Variants in WDR72 observed in about 807,000 individuals in gnomAD.
WDR72 encodes the protein WD repeat domain 72.
A neutral mutation model predicts 124.2 loss-of-function variants in WDR72; 120 were observed. That is an observed-to-expected ratio of 0.97 (90% CI 0.83 to 1.12). The LOEUF (loss-of-function observed/expected upper bound fraction) is 1.12. Among genes scored for constraint, WDR72 ranks in the 50% most tolerant of loss-of-function variants. WDR72 has a pLI of 0.00. For missense variants in WDR72, 1,387 were observed against 1,278.8 expected, an observed-to-expected ratio of 1.08 and a Z score of -1.29; for synonymous variants, 452 against 441.7, an observed-to-expected ratio of 1.02 and a Z score of -0.29.
chr15:53,707,409 G>C (rs2017411348), intron 9 of WDR72, among the ~76,000 whole-genome samples: 1 of 151,236 alleles, frequency 6.6e-6, no homozygotes, highest in Non-Finnish European at 1.5e-5. Context: ...CAAGAAATAA[G>C]AGCATCACAG....
chr15:53,637,925 A>C (rs7175616), intron 14 of WDR72, among the ~76,000 whole-genome samples: 49 of 152,252 alleles, frequency 3.2e-4, no homozygotes, highest in African/African-American at 1.1e-3. Context: ...TTCATGTCTG[A>C]TTCCTTCAAT....
upstream of WDR72, among the ~76,000 whole-genome samples, chr15:53,762,046 A>G (rs777234102): frequency 2.6e-4 from 39 of 152,016 alleles, no homozygotes; most frequent in Non-Finnish European, 4.6e-4. Flanking sequence ...TCTCAGTTAC[A>G]TGACTTTACC....
chr15:53,580,387 T>C (rs539640660), intron 18 of WDR72, among the ~76,000 whole-genome samples: 65 of 152,240 alleles, frequency 4.3e-4, no homozygotes, highest in African/African-American at 1.6e-3. Flanking sequence ...ACAAAAAGTT[T>C]TGAAGTAGGA....
intron 14 of WDR72, among the ~76,000 whole-genome samples, chr15:53,662,299 A>C (rs1320276571): frequency 3.9e-5 from 6 of 152,212 alleles, no homozygotes; most frequent in Non-Finnish European, 7.4e-5. Flanking sequence ...CAACTCCTCT[A>C]GCATTTCAAA....
intron 13 of WDR72, among the ~76,000 whole-genome samples, chr15:53,685,353 G>A (rs1057006550): frequency 7.8e-6 from 1 of 128,650 alleles, no homozygotes; most frequent in Non-Finnish European, 1.6e-5. Flanking sequence ...AACCAATACA[G>A]AGAAGTGCTT....
intron 14 of WDR72, among the ~76,000 whole-genome samples, chr15:53,663,834 G>A (rs1011307397): frequency 6.6e-6 from 1 of 151,598 alleles, no homozygotes; most frequent in Non-Finnish European, 1.5e-5. Flanking sequence ...CTGTCAGTGT[G>A]GTTCAATTTC....
Position 53,597,269 on chromosome 15 carries a change from A to G in WDR72, c.2958T>C (p.Thr986=). Residue 986 remains threonine, a synonymous_variant, in exon 18 of 20, where the codon ACT becomes ACC. Coordinates refer to ENST00000360509, the MANE Select transcript of WDR72 (RefSeq NM_182758.4). Reference sequence around the variant, plus strand: ...CCAAGAGAACAGCTTGTATTGCTTCAGTTACCTGTAAGGTATTTTTTTAAG... The same window carrying G: ...CCAAGAGAACAGCTTGTATTGCTTCGGTTACCTGTAAGGTATTTTTTTAAG... ...SCWRDQSVQV[T]EAIQAVLLAE... The G allele has an allele frequency of 6.2e-7, 1 of 1,613,646 alleles. No individual in the cohort carries two copies. Among genetic ancestry groups the G allele is most frequent in the Non-Finnish European group, 8.5e-7 (1 of 1,179,706 alleles).
intron 13 of WDR72, among the ~76,000 whole-genome samples, chr15:53,675,210 G>C (rs1459683739): frequency 1.3e-5 from 2 of 151,974 alleles, no homozygotes; most frequent in Admixed American, 6.6e-5. Context: ...GGGCATGGTG[G>C]CACATGCCTG....
At chr15:53,609,269 G>A (rs951431054) in intron 17 of WDR72, among the ~76,000 whole-genome samples, 3 of 152,050 alleles carry the variant, frequency 2.0e-5, no homozygotes, top group Non-Finnish European at 4.4e-5. Flanking sequence ...GCTTCAACAA[G>A]CAAGAAATTA....
At position 53,724,309 on chromosome 15, in the gene WDR72, C is replaced by CA. The variant is rs796779791; in HGVS notation, c.154-1402dup. ...GTCTTAAGAGTTCTTGCCACACACA[C>CA]AAAAAATGATTATGTGAGGTGATAG... On this transcript the variant is annotated intron_variant, in intron 2 of 19. Coordinates refer to ENST00000360509, the MANE Select transcript of WDR72 (RefSeq NM_182758.4). 1.2e-4 allele frequency among the ~76,000 whole-genome samples: 18 copies of CA among 152,192 alleles called. 1 individual carries two copies. The highest frequency in any genetic ancestry group is 4.3e-4 in the African/African-American group (18 of 41,556).
chr15:53,735,878 C>T (rs1174060652), intron 1 of WDR72, among the ~76,000 whole-genome samples: 1 of 151,494 alleles, frequency 6.6e-6, no homozygotes, highest in African/African-American at 2.4e-5. Flanking sequence ...AAAGAAAAAA[C>T]CTACAAAAGG....
chr15:53,643,439 C>T (rs1483555521), intron 14 of WDR72, among the ~76,000 whole-genome samples: 2 of 152,050 alleles, frequency 1.3e-5, no homozygotes, highest in Admixed American at 6.6e-5. Flanking sequence ...TCCTTCTGTC[C>T]TTGAAAAGAT....
chr15:53,756,187 T>A (rs2018899099), intron 1 of WDR72, among the ~76,000 whole-genome samples: 1 of 152,154 alleles, frequency 6.6e-6, no homozygotes, highest in African/African-American at 2.4e-5. Context: ...ATCATGAGGA[T>A]GGTTTCCCCC....
intron 14 of WDR72, among the ~76,000 whole-genome samples, chr15:53,640,897 C>A (rs756495883): frequency 2.1e-5 from 3 of 144,396 alleles, no homozygotes; most frequent in African/African-American, 7.4e-5. Flanking sequence ...GATATTAATA[C>A]TTTATTGAAT....
At chr15:53,665,360 G>A (rs2015740916) in intron 14 of WDR72, among the ~76,000 whole-genome samples, 1 of 152,108 alleles carries the variant, frequency 6.6e-6, no homozygotes, top group Admixed American at 6.6e-5. Context: ...ATTTTGATAA[G>A]CCAGAACCTA....
rs548592054 is a variant in WDR72, at chr15:53,643,724, G to A, written c.1962+21848C>T. On this transcript the variant is annotated intron_variant, in intron 14 of 19. Coordinates refer to ENST00000360509, the MANE Select transcript of WDR72 (RefSeq NM_182758.4). ...GCTTAAGTTAAAAACTGAAACGTGC[G>A]TGTATGTATCTGTGTGTGTGCGTGT... 1.9e-4 allele frequency among the ~76,000 whole-genome samples: 28 copies of A among 148,234 alleles called. No homozygotes were observed. In the East Asian group the frequency reaches 4.8e-3, roughly 26 times the overall value.
At chr15:53,618,829 A>G (rs1168665961) in intron 14 of WDR72, among the ~76,000 whole-genome samples, 2 of 151,952 alleles carry the variant, frequency 1.3e-5, no homozygotes, top group Admixed American at 6.6e-5. Flanking sequence ...ATCCCTTTGA[A>G]TATTTTCTCT....
chr15:53,629,336 T>C lies in WDR72; in HGVS notation c.1963-13093A>G, dbSNP rs1906410. Among the ~76,000 whole-genome samples, 26 of 151,936 alleles carry C rather than the reference T, an allele frequency of 1.7e-4. 1 individual carries two copies. The highest frequency in any genetic ancestry group is 4.8e-4 in the African/African-American group (20 of 41,438). ...ACAGGGAAACTAATACTCAGAAAGA[T>C]AGCTACAAATATAAAAGCTGAAACA... On this transcript the variant is annotated intron_variant, in intron 14 of 19. Transcript: ENST00000360509.
At chr15:53,759,876 C>A (rs1332684314), upstream of WDR72, among the ~76,000 whole-genome samples, 1 of 143,550 alleles carries the variant, frequency 7.0e-6, no homozygotes, top group Non-Finnish European at 1.5e-5. Context: ...CTTGCGGTGG[C>A]GGCTGGAAAA....
Sources: allele counts gnomAD v4.1 joint callset (sites outside exome capture counted in the v4.1 genomes callset), GRCh38; gene constraint gnomAD v4.1.1; transcripts MANE v1.5; gene names NCBI Gene and HGNC (gene_info 2026-07-23, HGNC 2026-07-21).